IQCN: variants seen among roughly 807,000 people sequenced by gnomAD.
IQCN encodes the protein IQ domain-containing protein N.
A neutral mutation model predicts 64.4 loss-of-function variants in IQCN; 46 were observed. The observed-to-expected ratio is 0.71, with a 90% CI of 0.56 to 0.91. IQCN has a LOEUF of 0.91. IQCN is among the 40% of genes least tolerant of loss of function. The probability of loss-of-function intolerance (pLI) is 0.00; values close to 1 mark genes in which losing one functional copy is unlikely to be tolerated. For missense variants in IQCN, 1,753 were observed against 1,857.4 expected (o/e 0.94, Z 1.03); for synonymous variants, 733 against 775.6 (o/e 0.95, Z 0.91).
At position 18,267,001 on chromosome 19, in the gene IQCN, C is replaced by T. The variant is rs201565974; in HGVS notation, c.539G>A (p.Arg180His). Reference sequence around the variant, plus strand: ...CACCATGATGGGCGGGGACAGAAGGCGGTTCTCTTCCGGATGCTGGAAGCG... The same window carrying T: ...CACCATGATGGGCGGGGACAGAAGGTGGTTCTCTTCCGGATGCTGGAAGCG... ...QVRFQHPEEN[R>H]LLSPPIMVNK... The change falls in exon 3 of 4, where the codon CGC (arginine) becomes CAC (histidine). Residue 180 changes from arginine (R) to histidine (H), a missense_variant. Coordinates refer to ENST00000392413, the MANE Select transcript of IQCN (RefSeq NM_001145304.2). The T allele has an allele frequency of 3.2e-5, 51 of 1,614,064 alleles. No individual in the cohort carries two copies. The Admixed American group carries it at 3.2e-4, about 10-fold the overall frequency.
At position 18,264,925 on chromosome 19, in the gene IQCN, G is replaced by C; in HGVS notation, c.2615C>G (p.Thr872Arg). 1 of 1,613,042 alleles carries C rather than the reference G, an allele frequency of 6.2e-7. No homozygotes were observed. The highest frequency in any genetic ancestry group is 8.5e-7 in the Non-Finnish European group (1 of 1,180,002). The change falls in exon 3 of 4, where the codon ACG becomes AGG. Residue 872 changes from threonine to arginine, a missense_variant. Transcript: ENST00000392413. The surrounding 1 kb of genome is among the most constrained non-coding windows in gnomAD (Gnocchi z 4.3). ...CAAGGAGGCCAGCAGGGAGCCTACC[G>C]TGTCCTCCTGGCAGGGCACCGCCTG... ...PGQAVPCQEDTVGSLLASLCA... is the reference protein window; with the variant it reads ...PGQAVPCQEDRVGSLLASLCA...
Position 18,264,942 on chromosome 19 carries a change from C to T in IQCN, c.2598G>A (p.Val866=), listed in dbSNP as rs776969237. Residue 866 remains valine (V), a synonymous_variant, in exon 3 of 4, where the codon GTG becomes GTA. Transcript: ENST00000392413. This position sits in a 1 kb window ranked among gnomAD's most constrained non-coding sequence, Gnocchi z 4.3. The part of the protein sequence containing the change: ...RAQPSMPGQA[V]PCQEDTVGSL... ...AGCCTACCGTGTCCTCCTGGCAGGG[C>T]ACCGCCTGGCCGGGCATTGATGGCT... 1 of 1,612,028 alleles carries T rather than the reference C, an allele frequency of 6.2e-7. No homozygotes were observed. The highest frequency in any genetic ancestry group is 1.3e-5 in the African/African-American group (1 of 74,950).
In IQCN at chr19:18,265,292, T is replaced by C; in HGVS notation, c.2248A>G (p.Thr750Ala). 6.2e-7 allele frequency: 1 copy of C among 1,614,086 alleles called. No individual in the cohort carries two copies. Among genetic ancestry groups the C allele is most frequent in the Non-Finnish European group, 8.5e-7 (1 of 1,180,004 alleles). ...GGGATGAGGCACGTGGTTATGTCTGTGATCGGCTGCCCCCGGGACTGCGTC... is the reference window on the plus strand; with the variant it reads ...GGGATGAGGCACGTGGTTATGTCTGCGATCGGCTGCCCCCGGGACTGCGTC... The part of the protein sequence containing the change: ...TKTQSRGQPI[T>A]DITTCLIPAH... The change falls in exon 3 of 4, where the codon ACA becomes GCA. Residue 750 changes from threonine to alanine, a missense_variant. By Grantham distance (58) the Thr-to-Ala change is moderately conservative. Transcript: ENST00000392413. This position sits in a 1 kb window ranked among gnomAD's most constrained non-coding sequence, Gnocchi z 4.7.
rs1159019611 is a variant in IQCN at position 18,264,558 on chromosome 19, A to C, written c.2982T>G (p.Gly994=). Residue 994 remains glycine (G), a synonymous_variant, in exon 3 of 4, where the codon GGT becomes GGG. Coordinates refer to ENST00000392413, the MANE Select transcript of IQCN (RefSeq NM_001145304.2). The surrounding 1 kb of genome is among the most constrained non-coding windows in gnomAD (Gnocchi z 4.3). ...ACTGGCTCAGGAGAGCACCCAGCTCACCCTGACACAGGGCCTGGCTCAGAG... is the reference window on the plus strand; with the variant it reads ...ACTGGCTCAGGAGAGCACCCAGCTCCCCCTGACACAGGGCCTGGCTCAGAG... ...WVALSQALCQ[G]ELGALLSQSW... 1 of 1,550,996 alleles carries C rather than the reference A, an allele frequency of 6.4e-7. No homozygotes were observed.
intron 3 of IQCN, chr19:18,262,510 G>A (rs1969452937): frequency 6.6e-6 from 1 of 152,356 alleles, no homozygotes; most frequent in Non-Finnish European, 1.5e-5. Context: ...GCTAGGTTTT[G>A]GGACCCCCAG....
At chr19:18,259,417 C>T (rs961108858) in intron 3 of IQCN, 4 of 152,268 alleles carry the variant, frequency 2.6e-5, no homozygotes, top group Non-Finnish European at 4.4e-5. Context: ...GCTAAGCTAG[C>T]GGAGGGTCTT....
Position 18,269,578 on chromosome 19 carries a change from C to T in IQCN, c.-100G>A. ...TTCATCCATGCAATATGCAGCAACACTGCCCTGGGCTGGCTCAAGACCAAC... is the reference window on the plus strand; with the variant it reads ...TTCATCCATGCAATATGCAGCAACATTGCCCTGGGCTGGCTCAAGACCAAC... On this transcript the variant is annotated 5_prime_UTR_variant, in exon 2 of 4. The change creates a new upstream start codon in the 5' untranslated region. Coordinates refer to ENST00000392413, the MANE Select transcript of IQCN (RefSeq NM_001145304.2). 1 of 1,137,142 alleles carries T rather than the reference C, an allele frequency of 8.8e-7. No homozygotes were observed. The highest frequency in any genetic ancestry group is 1.9e-5 in the Admixed American group (1 of 52,002). The allele number at this position is 1,137,142 out of a possible 1,614,324, so 70.4% of individuals were successfully genotyped here. A position where few individuals can be genotyped will look rare whatever the true frequency, so the allele number is the denominator to read the frequency against.
At chr19:18,258,251 C>G (rs750070680) in intron 3 of IQCN, 145 bp from the exon 4 acceptor site, 1 of 856,102 alleles carries the variant, frequency 1.2e-6, no homozygotes, top group Middle Eastern at 2.1e-4. Flanking sequence ...CTAGAGACAC[C>G]CTCCGAACTC....
rs144352215 is a variant in IQCN, at chr19:18,272,191, G to A, written c.-110+2212C>T. 9.5e-4 allele frequency among the ~76,000 whole-genome samples: 139 copies of A among 145,730 alleles called. 2 individuals carry two copies. In the East Asian group the frequency reaches 0.027, roughly 28 times the overall value. Reference sequence around the variant, plus strand: ...CGCCCAGGCTGGAGTGCAGTGGCGCGATCTCCTTTCACTGCAACCTCTACC... The same window carrying A: ...CGCCCAGGCTGGAGTGCAGTGGCGCAATCTCCTTTCACTGCAACCTCTACC... On this transcript the variant is annotated intron_variant, in intron 1 of 3. Transcript: ENST00000392413.
rs768563058 is a variant in IQCN, at chr19:18,264,227, C to G, written c.3177+136G>C. The G allele has an allele frequency of 1.3e-6, 1 of 750,516 alleles. No homozygotes were observed. Among genetic ancestry groups the G allele is most frequent in the Non-Finnish European group, 2.1e-6 (1 of 480,086 alleles). 46.5% of individuals were successfully genotyped at this position (750,516 alleles called of 1,614,324 possible). A position where few individuals can be genotyped will look rare whatever the true frequency, so the allele number is the denominator to read the frequency against. On this transcript the variant is annotated intron_variant, in intron 3 of 3. Transcript: ENST00000392413. The surrounding 1 kb of genome is among the most constrained non-coding windows in gnomAD (Gnocchi z 4.3). ...TGCTGGTGATGACGCTACCCATCACCGAGGCTCCCACAGTGACCACAGATA... is the reference window on the plus strand; with the variant it reads ...TGCTGGTGATGACGCTACCCATCACGGAGGCTCCCACAGTGACCACAGATA...
In IQCN at chr19:18,266,049, C is replaced by T. The variant is rs1969571680; in HGVS notation, c.1491G>A (p.Leu497=). 1 of 1,613,242 alleles carries T rather than the reference C, an allele frequency of 6.2e-7. No individual in the cohort carries two copies. The highest frequency in any genetic ancestry group is 8.5e-7 in the Non-Finnish European group (1 of 1,179,742). The change falls in exon 3 of 4, where the codon CTG becomes CTA. Residue 497 remains leucine, a synonymous_variant. Coordinates refer to ENST00000392413, the MANE Select transcript of IQCN (RefSeq NM_001145304.2). This position sits in a 1 kb window ranked among gnomAD's most constrained non-coding sequence, Gnocchi z 4.3. ...GVTKPSPQTR[L]PAMITKTPAQ... is the part of the protein sequence containing the mutation. ...CTGGGGTCTTGGTTATCATGGCTGG[C>T]AGGCGGGTCTGGGGTGAGGGCTTGG...
rs1288690742 is a variant in IQCN at position 18,264,169 on chromosome 19, G to C, written c.3177+194C>G. Among the ~76,000 whole-genome samples, 1 of 151,984 alleles carries C rather than the reference G, an allele frequency of 6.6e-6. No homozygotes were observed. Among genetic ancestry groups the C allele is most frequent in the African/African-American group, 2.4e-5 (1 of 41,266 alleles). On this transcript the variant is annotated intron_variant, in intron 3 of 3. Transcript: ENST00000392413. This position sits in a 1 kb window ranked among gnomAD's most constrained non-coding sequence, Gnocchi z 4.3. ...TCCATCATCTCCCGGGACAGCATGG[G>C]ATACAGGCCAGTGATCAGGGGACCC...
At position 18,264,292 on chromosome 19, in the gene IQCN, A is replaced by G. The variant is rs773844167; in HGVS notation, c.3177+71T>C. On this transcript the variant is annotated intron_variant, in intron 3 of 3. Coordinates refer to ENST00000392413, the MANE Select transcript of IQCN (RefSeq NM_001145304.2). This position sits in a 1 kb window ranked among gnomAD's most constrained non-coding sequence, Gnocchi z 4.3. ...CACAAGATGGCCCCATCAATCCCCC[A>G]TCTCCTCCAAGGGCCCGGCAGGTTG... 8.4e-5 allele frequency: 111 copies of G among 1,319,366 alleles called. No homozygotes were observed. Among genetic ancestry groups the G allele is most frequent in the Non-Finnish European group, 1.1e-4 (107 of 993,422 alleles). The allele number at this position is 1,319,366 out of a possible 1,614,324, so 81.7% of individuals were successfully genotyped here. A position where few individuals can be genotyped will look rare whatever the true frequency, so the allele number is the denominator to read the frequency against.
In IQCN at chr19:18,265,433, T is replaced by A; in HGVS notation, c.2107A>T (p.Thr703Ser). 1 of 1,613,780 alleles carries A rather than the reference T, an allele frequency of 6.2e-7. No homozygotes were observed. Residue 703 changes from threonine to serine, a missense_variant, in exon 3 of 4, where the codon ACC becomes TCC. Coordinates refer to ENST00000392413, the MANE Select transcript of IQCN (RefSeq NM_001145304.2). The surrounding 1 kb of genome is among the most constrained non-coding windows in gnomAD (Gnocchi z 4.7). ...QGHLPTELTK[T>S]PSLAHLDTCL... The stretch of plus-strand genomic sequence containing the variant: ...GTGTCCAGATGGGCCAGGGATGGGG[T>A]CTTGGTCAGCTCAGTGGGCAGATGT...
intron 3 of IQCN, among the ~76,000 whole-genome samples, chr19:18,263,065 G>T (rs577562251): frequency 6.6e-6 from 1 of 152,160 alleles, no homozygotes; most frequent in Non-Finnish European, 1.5e-5. Flanking sequence ...GGAGTGGGCC[G>T]GTAGGGGAAG....
intron 3 of IQCN, chr19:18,261,219 C>T (rs1365550483): frequency 6.5e-6 from 1 of 152,774 alleles, no homozygotes; most frequent in Non-Finnish European, 1.5e-5. Context: ...GTGGGCTACA[C>T]TTGGGGACAC....
chr19:18,266,781 C>T lies in IQCN; in HGVS notation c.759G>A (p.Leu253=), dbSNP rs1969600390. 4 of 1,614,078 alleles carry T rather than the reference C, an allele frequency of 2.5e-6. No individual in the cohort carries two copies. Among genetic ancestry groups the T allele is most frequent in the Non-Finnish European group, 3.4e-6 (4 of 1,180,036 alleles). The change falls in exon 3 of 4, where the codon CTG becomes CTA. Residue 253 remains leucine, a synonymous_variant. Coordinates refer to ENST00000392413, the MANE Select transcript of IQCN (RefSeq NM_001145304.2). This position sits in a 1 kb window ranked among gnomAD's most constrained non-coding sequence, Gnocchi z 4.3. The part of the protein sequence containing the change: ...VTIRFPCPVS[L]DAKCQPCLLT... ...GCAGGCATGGCTGGCATTTTGCGTC[C>T]AGACTCACTGGGCAGGGAAATCTGA...
intron 1 of IQCN, among the ~76,000 whole-genome samples, chr19:18,273,817 G>A (rs1969793763): frequency 1.3e-5 from 2 of 152,258 alleles, no homozygotes; most frequent in African/African-American, 4.8e-5. Context: ...AACCAGAAGG[G>A]GTGAGAAACG....
chr19:18,270,830 CAAAAA>C (rs55706433), intron 1 of IQCN, among the ~76,000 whole-genome samples: 1 of 107,064 alleles, frequency 9.3e-6, no homozygotes, highest in Non-Finnish European at 2.0e-5. Flanking sequence ...GACCCTGTCT[CAAAAA>C]AAAAAAAAAA....
Sources: gnomAD v4.1 joint callset for allele counts (sites outside exome capture counted in the v4.1 genomes callset) on GRCh38, gnomAD v4.1.1 for gene constraint, Gnocchi (gnomAD v3.1) non-coding constraint, MANE v1.5 for transcripts, NCBI Gene and HGNC (gene_info 2026-07-23, HGNC 2026-07-21) for gene names.